Variants in FSTL4 observed in about 807,000 individuals in gnomAD.
The protein encoded by FSTL4 is follistatin-related protein 4.
FSTL4 carries 28 observed loss-of-function variants against 78.2 expected under a neutral mutation model. The ratio of observed to expected loss-of-function variants is 0.36; its 90% CI spans 0.27 to 0.49. FSTL4 has a LOEUF of 0.49. Ranked by LOEUF, FSTL4 falls within the 20% of genes least tolerant of loss-of-function variation. The pLI, the probability that FSTL4 is intolerant of heterozygous loss-of-function variation, is 0.98. For missense variants in FSTL4, 922 were observed against 1,084.9 expected (o/e 0.85, Z 2.11); for synonymous variants, 422 against 440.5 (o/e 0.96, Z 0.53).
intron 14 of FSTL4, among the ~76,000 whole-genome samples, chr5:133,205,129 G>C (rs1372054589): frequency 6.6e-6 from 1 of 152,158 alleles, no homozygotes; most frequent in Non-Finnish European, 1.5e-5. Context: ...ATTGGTTTTG[G>C]AGAAGTAGTC....
intron 3 of FSTL4, among the ~76,000 whole-genome samples, chr5:133,523,585 A>G (rs1759029602): frequency 6.6e-6 from 1 of 152,172 alleles, no homozygotes; most frequent in Admixed American, 6.5e-5. Flanking sequence ...ATCATGTAAC[A>G]TTTGTGAATC....
At chr5:133,800,315 C>A in the FSTL4 span, among the ~76,000 whole-genome samples, 1 of 138,214 alleles carries the variant, frequency 7.2e-6, no homozygotes, top group African/African-American at 2.6e-5. Flanking sequence ...GTGAGGCAGT[C>A]TTGCACCAAG....
At chr5:133,767,058 G>A in the FSTL4 span, among the ~76,000 whole-genome samples, 1 of 152,162 alleles carries the variant, frequency 6.6e-6, no homozygotes. Context: ...ACTTAATTTG[G>A]GTTCCTCTAG....
At chr5:133,650,267 G>A in the FSTL4 span, among the ~76,000 whole-genome samples, 1 of 152,134 alleles carries the variant, frequency 6.6e-6, no homozygotes, top group Non-Finnish European at 1.5e-5. Context: ...ACTTCAACAT[G>A]AAGTTTGAGG....
At chr5:133,804,595 G>A in the FSTL4 span, among the ~76,000 whole-genome samples, 3 of 152,134 alleles carry the variant, frequency 2.0e-5, no homozygotes, top group Non-Finnish European at 2.9e-5. Context: ...TACCCAGAAA[G>A]GGGTGCAGGG....
chr5:133,748,670 G>A, the FSTL4 span, among the ~76,000 whole-genome samples: 3 of 152,198 alleles, frequency 2.0e-5, no homozygotes, highest in Non-Finnish European at 4.4e-5. Flanking sequence ...TGGGCAGACT[G>A]GCTAGATTGG....
chr5:133,674,342 T>C, the FSTL4 span, among the ~76,000 whole-genome samples: 1 of 152,210 alleles, frequency 6.6e-6, no homozygotes, highest in Non-Finnish European at 1.5e-5. Flanking sequence ...GGCTATCTTC[T>C]TAATGGTGGA....
chr5:133,518,781 T>C (rs763824404), intron 3 of FSTL4, among the ~76,000 whole-genome samples: 1 of 152,238 alleles, frequency 6.6e-6, no homozygotes, highest in African/African-American at 2.4e-5. Flanking sequence ...GTCTGGATGA[T>C]AATTTAAAAA....
At chr5:133,500,589 A>G (rs950863320) in intron 3 of FSTL4, among the ~76,000 whole-genome samples, 2 of 152,188 alleles carry the variant, frequency 1.3e-5, no homozygotes, top group Non-Finnish European at 2.9e-5. Flanking sequence ...TCTTGGGGGT[A>G]CAAAAATCAA....
intron 3 of FSTL4, among the ~76,000 whole-genome samples, chr5:133,516,358 A>C (rs1001588380): frequency 1.3e-5 from 2 of 152,234 alleles, no homozygotes; most frequent in African/African-American, 4.8e-5. Context: ...CACTGTTTAC[A>C]ATATAAATTA....
At chr5:133,682,276 A>C in the FSTL4 span, among the ~76,000 whole-genome samples, 2 of 152,190 alleles carry the variant, frequency 1.3e-5, no homozygotes, top group Admixed American at 1.3e-4. Flanking sequence ...TCAGCCTCCC[A>C]GGTAATGTCA....
At chr5:133,591,776 G>T (rs531181496) in intron 2 of FSTL4, among the ~76,000 whole-genome samples, 4 of 152,268 alleles carry the variant, frequency 2.6e-5, no homozygotes, top group Admixed American at 6.5e-5. Context: ...AGAGGAGGGA[G>T]AAATGGAGAA....
chr5:133,786,710 C>T, the FSTL4 span, among the ~76,000 whole-genome samples: 1 of 152,140 alleles, frequency 6.6e-6, no homozygotes, highest in African/African-American at 2.4e-5. Flanking sequence ...AAAAGGACTT[C>T]CTAGGGTCAA....
chr5:133,706,559 C>A, the FSTL4 span, among the ~76,000 whole-genome samples: 1 of 152,208 alleles, frequency 6.6e-6, no homozygotes, highest in South Asian at 2.1e-4. Context: ...ATGGTGAATG[C>A]TGACCATCTT....
chr5:133,722,283 G>A, the FSTL4 span, among the ~76,000 whole-genome samples: 1 of 152,160 alleles, frequency 6.6e-6, no homozygotes, highest in Non-Finnish European at 1.5e-5. Context: ...GATGATCTGA[G>A]GTGGAAGTGT....
intron 6 of FSTL4, among the ~76,000 whole-genome samples, chr5:133,261,792 G>C (rs1339408383): frequency 1.3e-5 from 2 of 152,064 alleles, no homozygotes; most frequent in African/African-American, 2.4e-5. Context: ...GGAGTTCAAG[G>C]CCTGCCTGGA....
rs570611258 is a variant in FSTL4 at position 133,518,914 on chromosome 5, C to T, written c.160+48272G>A. Reference sequence around the variant, plus strand: ...ATTACAAAGGATATTTATTCCCTGACCCCCCATGGAATGCATTAAATTAAC... The same window carrying T: ...ATTACAAAGGATATTTATTCCCTGATCCCCCATGGAATGCATTAAATTAAC... On this transcript the variant is annotated intron_variant, in intron 3 of 15. Transcript: ENST00000265342. Among the ~76,000 whole-genome samples, 8 of 152,258 alleles carry T rather than the reference C, an allele frequency of 5.3e-5. No individual in the cohort carries two copies. The East Asian group carries it at 1.5e-3, about 29-fold the overall frequency.
At chr5:133,717,898 G>A in the FSTL4 span, among the ~76,000 whole-genome samples, 1 of 152,100 alleles carries the variant, frequency 6.6e-6, no homozygotes, top group Non-Finnish European at 1.5e-5. Context: ...ATACCTTTTA[G>A]GGTAAACATG....
chr5:133,256,525 C>T (rs968380834), intron 6 of FSTL4: 1 of 152,246 alleles, frequency 6.6e-6, no homozygotes, highest in East Asian at 1.9e-4. Flanking sequence ...CCTGGTGAGC[C>T]GGGCAAGGCG....
Sources: allele counts gnomAD v4.1 joint callset (sites outside exome capture counted in the v4.1 genomes callset), GRCh38; gene constraint gnomAD v4.1.1; transcripts MANE v1.5; gene names NCBI Gene and HGNC (gene_info 2026-07-23, HGNC 2026-07-21).